Variants in SCML4 observed in about 807,000 individuals in gnomAD.
SCML4 encodes Scm polycomb group protein like 4, also known as sex comb on midleg-like protein 4.
SCML4 carries 34 observed loss-of-function variants against 41.1 expected under a neutral mutation model. The ratio of observed to expected loss-of-function variants is 0.83; its 90% CI spans 0.63 to 1.10. The LOEUF (loss-of-function observed/expected upper bound fraction) is 1.10, where lower values mean the gene tolerates loss of function less well. Ranked by LOEUF, SCML4 falls within the 50% of genes least tolerant of loss-of-function variation. The pLI is 0.00. For missense variants in SCML4, 522 were observed against 534.1 expected, an observed-to-expected ratio of 0.98 and a Z score of 0.22; for synonymous variants, 214 against 220.9, an observed-to-expected ratio of 0.97 and a Z score of 0.28.
At chr6:107,758,453 G>A (rs1779282583) in intron 2 of SCML4, among the ~76,000 whole-genome samples, 2 of 152,198 alleles carry the variant, frequency 1.3e-5, no homozygotes, top group Admixed American at 6.5e-5. Flanking sequence ...GCATTGAATT[G>A]TGTCTCTCTA....
At chr6:107,820,704 C>T (rs1401348199) in intron 1 of SCML4, among the ~76,000 whole-genome samples, 3 of 152,128 alleles carry the variant, frequency 2.0e-5, no homozygotes. Flanking sequence ...GGCTGGCAGC[C>T]AGGGCGTTCG....
intron 1 of SCML4, among the ~76,000 whole-genome samples, chr6:107,801,386 C>T (rs569372311): frequency 1.3e-5 from 2 of 152,230 alleles, no homozygotes; most frequent in South Asian, 2.1e-4. Context: ...GCTCAGAGGG[C>T]GTCTCCTTGG....
In SCML4 at chr6:107,702,704, G is replaced by A. The variant is rs1427612244; in HGVS notation, c.*2496C>T. On this transcript the variant is annotated 3_prime_UTR_variant, in exon 8 of 8. Coordinates refer to ENST00000369020, the MANE Select transcript of SCML4 (RefSeq NM_198081.5). ...ACTTACGATTAATAAATTCTTAAGA[G>A]ACAGGCCCTATCACCTTAAAATCTT... 6.6e-6 allele frequency among the ~76,000 whole-genome samples: 1 copy of A among 152,196 alleles called. No homozygotes were observed. The highest frequency in any genetic ancestry group is 6.5e-5 in the Admixed American group (1 of 15,276).
At chr6:107,794,403 C>T (rs559948063) in intron 1 of SCML4, among the ~76,000 whole-genome samples, 16 of 152,248 alleles carry the variant, frequency 1.1e-4, no homozygotes, top group East Asian at 1.9e-4. Flanking sequence ...GGGGCACATT[C>T]GGGCTTCTCT....
chr6:107,740,257 C>T (rs577278773), intron 5 of SCML4: 15 of 429,618 alleles, frequency 3.5e-5, no homozygotes, highest in Admixed American at 2.7e-4. Flanking sequence ...GACCACCATG[C>T]GGGTCTTGTA....
Position 107,705,108 on chromosome 6 carries a change from G to A in SCML4, c.*92C>T. On this transcript the variant is annotated 3_prime_UTR_variant, in exon 8 of 8. Coordinates refer to ENST00000369020, the MANE Select transcript of SCML4 (RefSeq NM_198081.5). ...TGTGGCTGTTAATTTTAAGAGGAGA[G>A]TCTAGTTTGTGATGTTGGCGGGATA... 3 of 1,143,074 alleles carry A rather than the reference G, an allele frequency of 2.6e-6. No individual in the cohort carries two copies. The Admixed American group carries it at 6.0e-5, about 23-fold the overall frequency. 70.8% of individuals were successfully genotyped at this position (1,143,074 alleles called of 1,614,324 possible).
At chr6:107,753,169 C>T (rs945673528) in intron 2 of SCML4, among the ~76,000 whole-genome samples, 1 of 152,028 alleles carries the variant, frequency 6.6e-6, no homozygotes, top group African/African-American at 2.4e-5. Flanking sequence ...TGAAAACCCC[C>T]CAGAAAATAG....
At chr6:107,783,825 C>A (rs1562255028) in intron 1 of SCML4, among the ~76,000 whole-genome samples, 2 of 152,158 alleles carry the variant, frequency 1.3e-5, no homozygotes, top group Non-Finnish European at 1.5e-5. Context: ...AAATTCCCAT[C>A]TCTGGTGAAA....
the SCML4 span, among the ~76,000 whole-genome samples, chr6:107,846,034 G>A: frequency 7.9e-5 from 12 of 152,134 alleles, no homozygotes; most frequent in East Asian, 1.9e-4. Context: ...GCCCGGAGCC[G>A]GCCTCAGACT....
chr6:107,755,689 A>G (rs763772790), intron 2 of SCML4: 1 of 1,148,218 alleles, frequency 8.7e-7, no homozygotes, highest in South Asian at 1.4e-5. Context: ...AAAGCTGTCT[A>G]TTTTGTTTTT....
rs200802704 is a variant in SCML4, at chr6:107,817,754, TAGAA to T, written c.-60+6368_-60+6371del. The stretch of plus-strand genomic sequence containing the variant: ...GACTTCTAACTAAAAGAGAGGGCCC[TAGAA>T]AGAAAGAACCAATCCTCTATACCAT... On this transcript the variant is annotated intron_variant, in intron 1 of 7. Transcript: ENST00000369020. 2.7e-3 allele frequency among the ~76,000 whole-genome samples: 415 copies of T among 151,722 alleles called. 2 individuals are homozygous for T. Among genetic ancestry groups the T allele is most frequent in the African/African-American group, 9.4e-3 (388 of 41,440 alleles).
intron 1 of SCML4, among the ~76,000 whole-genome samples, chr6:107,781,196 A>G (rs1019645526): frequency 6.6e-6 from 1 of 152,206 alleles, no homozygotes; most frequent in Non-Finnish European, 1.5e-5. Context: ...TCTACAAAAA[A>G]TACAAAAATT....
chr6:107,773,623 C>T (rs2883360), intron 1 of SCML4, among the ~76,000 whole-genome samples: 31,917 of 147,950 alleles, frequency 0.22, 4,305 homozygotes, highest in African/African-American at 0.38. Flanking sequence ...GAATAAGCTT[C>T]TCAGGTAGAA....
intron 1 of SCML4, among the ~76,000 whole-genome samples, chr6:107,808,296 G>T (rs1783896396): frequency 6.6e-6 from 1 of 152,190 alleles, no homozygotes. Context: ...CCATCAGAAA[G>T]ATATTATCAA....
intron 6 of SCML4, among the ~76,000 whole-genome samples, chr6:107,712,318 G>A (rs528711091): frequency 2.0e-5 from 3 of 152,258 alleles, no homozygotes; most frequent in African/African-American, 7.2e-5. Context: ...GACAGGAAGG[G>A]GGGAAAACCC....
At chr6:107,737,904 T>C (rs1777229072) in intron 5 of SCML4, among the ~76,000 whole-genome samples, 1 of 152,090 alleles carries the variant, frequency 6.6e-6, no homozygotes, top group Non-Finnish European at 1.5e-5. Flanking sequence ...AAATAAAAAA[T>C]TGAATTTAGC....
chr6:107,838,907 A>G, the SCML4 span, among the ~76,000 whole-genome samples: 10 of 152,216 alleles, frequency 6.6e-5, no homozygotes, highest in African/African-American at 2.2e-4. Context: ...GAGGCATTCA[A>G]GAGTTAAGCC....
At chr6:107,737,962 C>T (rs1196524905) in intron 5 of SCML4, among the ~76,000 whole-genome samples, 2 of 152,078 alleles carry the variant, frequency 1.3e-5, no homozygotes, top group Non-Finnish European at 2.9e-5. Context: ...CAGGCCCCAC[C>T]CCAGCTTTAC....
chr6:107,799,983 T>C (rs1262346750), intron 1 of SCML4, among the ~76,000 whole-genome samples: 1 of 151,262 alleles, frequency 6.6e-6, no homozygotes, highest in African/African-American at 2.4e-5. Context: ...TTTTTTCTAG[T>C]ATTGAATCCA....
Sources: gnomAD v4.1 joint callset for allele counts (sites outside exome capture counted in the v4.1 genomes callset) on GRCh38, gnomAD v4.1.1 for gene constraint, MANE v1.5 for transcripts, NCBI Gene and HGNC (gene_info 2026-07-23, HGNC 2026-07-21) for gene names.